UGT1A8: variants seen among roughly 807,000 people sequenced by gnomAD.
UGT1A8 encodes the protein UDP glucuronosyltransferase family 1 member A8, also known as UDP-glucuronosyltransferase 1A8.
In UGT1A8, 39 loss-of-function variants were observed where a neutral mutation model predicts 45.3. The ratio of observed to expected loss-of-function variants is 0.86; its 90% CI spans 0.67 to 1.12. The LOEUF (loss-of-function observed/expected upper bound fraction) is 1.12. UGT1A8 is among the 50% of genes most tolerant of loss of function. The pLI is 0.00. For synonymous variants in UGT1A8, 275 were observed against 249.2 expected (o/e 1.10, Z -0.97); for missense variants, 719 against 664.9 (o/e 1.08, Z -0.90).
intron 1 of UGT1A8, chr2:233,692,834 T>C: frequency 6.2e-6 from 9 of 1,445,768 alleles, no homozygotes; most frequent in East Asian, 2.5e-5. Flanking sequence ...GTGATTAAAA[T>C]GGTTAAATAT....
chr2:233,666,363 A>C (rs925665303), intron 1 of UGT1A8, among the ~76,000 whole-genome samples: 2 of 152,212 alleles, frequency 1.3e-5, no homozygotes, highest in African/African-American at 4.8e-5. Flanking sequence ...ATCATTTGAT[A>C]TGCTCAATCT....
chr2:233,708,606 C>G (rs1434910619), intron 1 of UGT1A8: 1 of 152,132 alleles, frequency 6.6e-6, no homozygotes, highest in African/African-American at 2.4e-5. Context: ...AAAAACCTAG[C>G]TGGACATGGT....
rs148565852 is a variant in UGT1A8, at chr2:233,719,296, C to T, written c.856-47738C>T. 4.0e-5 allele frequency: 64 copies of T among 1,613,940 alleles called. 1 individual carries two copies. The Admixed American group carries it at 4.5e-4, about 11-fold the overall frequency. ...ACAGACCCCGTTAACCTCTGTGGGG[C>T]GGTGCTGGCTAAGTACCTGTCGATT... On this transcript the variant is annotated intron_variant, in intron 1 of 4. Coordinates refer to ENST00000373450, the MANE Select transcript of UGT1A8 (RefSeq NM_019076.5).
intron 1 of UGT1A8, among the ~76,000 whole-genome samples, chr2:233,725,237 G>A: frequency 1.2e-5 from 1 of 85,832 alleles, no homozygotes; most frequent in Non-Finnish European, 2.1e-5. Context: ...AGGCAGAGGA[G>A]GCAGAGGCAG....
intron 1 of UGT1A8, among the ~76,000 whole-genome samples, chr2:233,686,607 T>C (rs1453071423): frequency 6.6e-6 from 1 of 152,018 alleles, no homozygotes; most frequent in African/African-American, 2.4e-5. Flanking sequence ...TGACTGTCTC[T>C]CTCTCTCCTT....
chr2:233,771,905 G>T (rs1048759513), intron 4 of UGT1A8, among the ~76,000 whole-genome samples: 4 of 151,250 alleles, frequency 2.6e-5, no homozygotes, highest in Non-Finnish European at 5.9e-5. Flanking sequence ...CCTTTCAGGT[G>T]ATAATAGTAA....
intron 1 of UGT1A8, chr2:233,742,090 C>T (rs539350164): frequency 2.6e-5 from 4 of 151,950 alleles, no homozygotes; most frequent in Admixed American, 1.3e-4. Flanking sequence ...TTTTACATTT[C>T]CAGGACCCAC....
intron 1 of UGT1A8, chr2:233,637,233 C>A (rs766013519): frequency 5.0e-6 from 8 of 1,613,900 alleles, no homozygotes; most frequent in South Asian, 1.1e-5. Flanking sequence ...TTCTCCAAAC[C>A]CCTGTCACGG....
At chr2:233,747,308 T>C in intron 1 of UGT1A8, 5 of 1,602,886 alleles carry the variant, frequency 3.1e-6, no homozygotes, top group Non-Finnish European at 4.3e-6. Context: ...GGGAAGGTGC[T>C]GGTGGTACCC....
At chr2:233,679,873 A>G (rs867556852) in intron 1 of UGT1A8, among the ~76,000 whole-genome samples, 1 of 152,192 alleles carries the variant, frequency 6.6e-6, no homozygotes, top group South Asian at 2.1e-4. Flanking sequence ...AGCCTTTCTT[A>G]TAGCAATCCT....
rs543208517 is a variant in UGT1A8 at position 233,647,792 on chromosome 2, G to A, written c.855+29230G>A. ...CTGTCTTTTTTCCTAATCAGTCTGGGTAGAGATTTATCAAGTTAATTGATT... is the reference window on the plus strand; with the variant it reads ...CTGTCTTTTTTCCTAATCAGTCTGGATAGAGATTTATCAAGTTAATTGATT... On this transcript the variant is annotated intron_variant, in intron 1 of 4. Coordinates refer to ENST00000373450, the MANE Select transcript of UGT1A8 (RefSeq NM_019076.5). 33 of 677,662 alleles carry A rather than the reference G, an allele frequency of 4.9e-5. No homozygotes were observed. The South Asian group carries it at 7.5e-4, about 15-fold the overall frequency. The allele number at this position is 677,662 out of a possible 1,614,324, so 42.0% of individuals were successfully genotyped here.
intron 1 of UGT1A8, among the ~76,000 whole-genome samples, chr2:233,675,426 G>T (rs1247129134): frequency 6.6e-6 from 1 of 152,180 alleles, no homozygotes; most frequent in African/African-American, 2.4e-5. Flanking sequence ...ATTAATGACT[G>T]GTTTTAGGTG....
At position 233,768,395 on chromosome 2, in the gene UGT1A8, T is replaced by A; in HGVS notation, c.1251T>A (p.Ser417=). 1 of 1,614,130 alleles carries A rather than the reference T, an allele frequency of 6.2e-7. No individual in the cohort carries two copies. Among genetic ancestry groups the A allele is most frequent in the Non-Finnish European group, 8.5e-7 (1 of 1,180,032 alleles). Residue 417 remains serine, a synonymous_variant, in exon 4 of 5, where the codon TCT becomes TCA. Coordinates refer to ENST00000373450, the MANE Select transcript of UGT1A8 (RefSeq NM_019076.5). The part of the protein sequence containing the change: ...GVTLNVLEMT[S]EDLENALKAV... ...CCCTGAATGTTCTGGAAATGACTTC[T>A]GAAGATTTAGAAAATGCTCTAAAAG... is the stretch of plus-strand genomic sequence containing the variant.
At chr2:233,738,521 G>C (rs1382621592) in intron 1 of UGT1A8, among the ~76,000 whole-genome samples, 2 of 152,174 alleles carry the variant, frequency 1.3e-5, no homozygotes, top group African/African-American at 2.4e-5. Context: ...TAATGTTGTG[G>C]ACAATGAAGT....
intron 1 of UGT1A8, among the ~76,000 whole-genome samples, chr2:233,663,312 A>G (rs2074012093): frequency 6.6e-6 from 1 of 152,156 alleles, no homozygotes; most frequent in Non-Finnish European, 1.5e-5. Context: ...CTCCCCAAGC[A>G]ATTTGGGGAA....
chr2:233,636,770 T>G (rs1296906229), intron 1 of UGT1A8: 2 of 1,614,188 alleles, frequency 1.2e-6, no homozygotes, highest in East Asian at 4.5e-5. Flanking sequence ...TCGTACACTC[T>G]GGAAGATCAG....
chr2:233,727,725 C>CT (rs2077642996), intron 1 of UGT1A8, among the ~76,000 whole-genome samples: 1 of 152,230 alleles, frequency 6.6e-6, no homozygotes, highest in South Asian at 2.1e-4. Context: ...GCAGACCTTC[C>CT]TTTTCTGTGC....
chr2:233,666,727 C>A (rs1432952761), intron 1 of UGT1A8, among the ~76,000 whole-genome samples: 1 of 151,740 alleles, frequency 6.6e-6, no homozygotes, highest in East Asian at 1.9e-4. Flanking sequence ...TATACATGTG[C>A]CATGTTGGTG....
intron 1 of UGT1A8, among the ~76,000 whole-genome samples, chr2:233,653,256 A>T (rs1373045879): frequency 6.6e-6 from 1 of 152,234 alleles, no homozygotes; most frequent in Non-Finnish European, 1.5e-5. Context: ...AACATATAAA[A>T]ACACGACAGA....
Sources: gnomAD v4.1 joint callset for allele counts (sites outside exome capture counted in the v4.1 genomes callset) on GRCh38, gnomAD v4.1.1 for gene constraint, MANE v1.5 for transcripts, NCBI Gene and HGNC (gene_info 2026-07-23, HGNC 2026-07-21) for gene names.